SRPX: variants seen among roughly 807,000 people sequenced by gnomAD.
SRPX encodes sushi repeat-containing protein SRPX.
SRPX carries 24 observed loss-of-function variants against 38.1 expected under a neutral mutation model. That is an observed-to-expected ratio of 0.63 (90% confidence interval 0.46 to 0.89). The LOEUF is 0.89. Among genes scored for constraint, SRPX ranks in the 40% least tolerant of loss-of-function variants. SRPX has a pLI of 0.00. For missense variants in SRPX, 416 were observed against 377.8 expected (o/e 1.10, Z -0.84); for synonymous variants, 184 against 153.8 (o/e 1.20, Z -1.45).
intron 8 of SRPX, among the ~76,000 whole-genome samples, chrX:38,155,176 A>G (rs1938111703): frequency 8.9e-6 from 1 of 112,242 alleles, no homozygotes; most frequent in African/African-American, 3.2e-5. Flanking sequence ...GCTAAATGGG[A>G]AAAGAAATTT....
At chrX:38,205,292 G>T (rs1324694715) in intron 1 of SRPX, among the ~76,000 whole-genome samples, 1 of 112,292 alleles carries the variant, frequency 8.9e-6, no homozygotes, top group African/African-American at 3.2e-5. Flanking sequence ...GACGAAAGCA[G>T]AAGTTGCCTG....
chrX:38,220,652 T>C, intron 1 of SRPX, 44 bp downstream of exon 1: 1 of 1,180,236 alleles, frequency 8.5e-7, no homozygotes. Context: ...ACTCCGGGGG[T>C]CTTTGGTGCC....
chrX:38,219,694 A>T (rs1939481098), intron 1 of SRPX, among the ~76,000 whole-genome samples: 1 of 112,024 alleles, frequency 8.9e-6, no homozygotes, highest in Admixed American at 9.4e-5. Context: ...TTCTACCAGA[A>T]CTCAGTAGGT....
chrX:38,193,587 A>G (rs147679985), intron 1 of SRPX, among the ~76,000 whole-genome samples: 18 of 112,387 alleles, frequency 1.6e-4, no homozygotes, highest in African/African-American at 5.5e-4. Flanking sequence ...ATGAACACCC[A>G]AAAATTTTCC....
chrX:38,208,351 A>G (rs1178369098), intron 1 of SRPX, among the ~76,000 whole-genome samples: 2 of 111,830 alleles, frequency 1.8e-5, no homozygotes, highest in Non-Finnish European at 3.8e-5. Context: ...GACAACTGCT[A>G]TTCTGACTTG....
intron 5 of SRPX, among the ~76,000 whole-genome samples, chrX:38,163,093 A>C (rs1327522459): frequency 8.9e-6 from 1 of 112,518 alleles, no homozygotes; most frequent in Non-Finnish European, 1.9e-5. Flanking sequence ...CTTACTTTTC[A>C]ATTCTGATTG....
At chrX:38,196,385 G>A (rs1601867051) in intron 1 of SRPX, among the ~76,000 whole-genome samples, 1 of 112,315 alleles carries the variant, frequency 8.9e-6, no homozygotes. Context: ...TTATATGATC[G>A]AAAAATAAGT....
chrX:38,168,263 A>C (rs775052599), intron 4 of SRPX, among the ~76,000 whole-genome samples: 20 of 112,168 alleles, frequency 1.8e-4, no homozygotes, highest in Non-Finnish European at 7.5e-5. Context: ...TCACTATGTT[A>C]AAAGCCAGCT....
At chrX:38,174,703 T>C in intron 2 of SRPX, among the ~76,000 whole-genome samples, 1 of 112,348 alleles carries the variant, frequency 8.9e-6, no homozygotes, top group Non-Finnish European at 1.9e-5. Flanking sequence ...GTTCAATAAA[T>C]GCTTGTTCTT....
intron 8 of SRPX, 68 bp downstream of exon 8, chrX:38,156,828 T>C: frequency 8.8e-7 from 1 of 1,141,287 alleles, no homozygotes; most frequent in East Asian, 3.0e-5. Context: ...CCTTTGCTTT[T>C]AGTGAAATGG....
chrX:38,199,620 G>A (rs963738992), intron 1 of SRPX, among the ~76,000 whole-genome samples: 1 of 109,673 alleles, frequency 9.1e-6, no homozygotes, highest in Non-Finnish European at 1.9e-5. Flanking sequence ...TTTAAACATG[G>A]AATTGGTATA....
intron 1 of SRPX, among the ~76,000 whole-genome samples, chrX:38,187,685 C>A (rs1448255642): frequency 8.9e-6 from 1 of 112,084 alleles, no homozygotes; most frequent in Non-Finnish European, 1.9e-5. Flanking sequence ...CTTGTTAACA[C>A]AGGTGAGTGT....
chrX:38,174,118 C>T (rs1488863356), intron 3 of SRPX, 42 bp downstream of exon 3: 8 of 977,005 alleles, frequency 8.2e-6, no homozygotes, highest in Middle Eastern at 7.7e-4. Context: ...AACTTTGGCT[C>T]TGGTCATCCC....
At chrX:38,150,132 T>TG (rs1378300780) in intron 9 of SRPX, among the ~76,000 whole-genome samples, 8 of 112,175 alleles carry the variant, frequency 7.1e-5, no homozygotes, top group Non-Finnish European at 1.5e-4. Flanking sequence ...AATTAGTGTC[T>TG]GCATTACTAT....
intron 7 of SRPX, among the ~76,000 whole-genome samples, chrX:38,159,733 C>A (rs1267942251): frequency 8.9e-6 from 1 of 112,547 alleles, no homozygotes; most frequent in Non-Finnish European, 1.9e-5. Flanking sequence ...GAAACTAGAG[C>A]AAATTTTGCT....
chrX:38,176,954 G>A (rs924345544), intron 2 of SRPX, among the ~76,000 whole-genome samples: 3 of 110,952 alleles, frequency 2.7e-5, no homozygotes, highest in African/African-American at 9.9e-5. Context: ...AAACATTCAG[G>A]GTAAGTTCTA....
intron 9 of SRPX, among the ~76,000 whole-genome samples, chrX:38,150,745 T>C (rs910115889): frequency 1.8e-5 from 2 of 112,439 alleles, no homozygotes; most frequent in Admixed American, 1.9e-4. Flanking sequence ...TCATAATTTG[T>C]ACCCCAAATA....
chrX:38,178,196 T>C, intron 2 of SRPX, 89 bp downstream of exon 2: 1 of 636,283 alleles, frequency 1.6e-6, no homozygotes, highest in Non-Finnish European at 2.5e-6. Flanking sequence ...TGTTGTCTGG[T>C]CACTTTATTA....
chrX:38,186,418 T>C (rs1221355585), intron 1 of SRPX, among the ~76,000 whole-genome samples: 2 of 112,011 alleles, frequency 1.8e-5, no homozygotes, highest in East Asian at 5.6e-4. Context: ...GCCCAGATCC[T>C]GACTTATAAA....
Sources: allele counts gnomAD v4.1 joint callset (sites outside exome capture counted in the v4.1 genomes callset), GRCh38; gene constraint gnomAD v4.1.1; transcripts MANE v1.5; gene names NCBI Gene and HGNC (gene_info 2026-07-23, HGNC 2026-07-21).